Variants in ADGRG6 observed in about 807,000 individuals in gnomAD.
ADGRG6 encodes adhesion G protein-coupled receptor G6.
Under a neutral mutation model 142.4 loss-of-function variants are expected in ADGRG6, and 84 were observed. The ratio of observed to expected loss-of-function variants is 0.59; its 90% CI spans 0.49 to 0.71. The LOEUF is 0.71. ADGRG6 is among the 30% of genes least tolerant of loss of function. The pLI is 0.00. For synonymous variants in ADGRG6, 521 were observed against 520.5 expected (o/e 1.00, Z -0.01); for missense variants, 1,367 against 1,466.6 (o/e 0.93, Z 1.11).
chr6:142,315,687 C>T (rs1343513188), intron 2 of ADGRG6, among the ~76,000 whole-genome samples: 1 of 151,840 alleles, frequency 6.6e-6, no homozygotes, highest in Non-Finnish European at 1.5e-5. Flanking sequence ...AAAAATTAGC[C>T]TGGTGTGGTG....
At chr6:142,383,099 G>A (rs979061249) in intron 5 of ADGRG6, among the ~76,000 whole-genome samples, 19 of 151,868 alleles carry the variant, frequency 1.3e-4, no homozygotes, top group Non-Finnish European at 2.6e-4. Flanking sequence ...TTTAAAAAAA[G>A]TTATTTTTAT....
At chr6:142,317,782 TTA>T (rs1277588709) in intron 2 of ADGRG6, among the ~76,000 whole-genome samples, 4 of 95,654 alleles carry the variant, frequency 4.2e-5, no homozygotes, top group East Asian at 5.3e-4. Context: ...TCATATATAT[TTA>T]TATATAATAT....
chr6:142,405,606 C>A, intron 14 of ADGRG6, 82 bp from the exon 15 acceptor site: 2 of 1,140,020 alleles, frequency 1.8e-6, no homozygotes, highest in Non-Finnish European at 2.6e-6. Context: ...CAATTGTTCA[C>A]TCGCCTAACT....
intron 1 of ADGRG6, 40 bp from the exon 2 acceptor site, chr6:142,309,504 G>A (rs753337475): frequency 7.3e-7 from 1 of 1,371,920 alleles, no homozygotes. Flanking sequence ...ATGCTTTACT[G>A]AATGTTGAAT....
intron 2 of ADGRG6, among the ~76,000 whole-genome samples, chr6:142,330,863 CAGAGGA>C (rs1320202010): frequency 6.6e-6 from 1 of 152,002 alleles, no homozygotes; most frequent in African/African-American, 2.4e-5. Flanking sequence ...TATTATACAT[CAGAGGA>C]ACTATAGCCA....
intron 8 of ADGRG6, 96 bp downstream of exon 8, chr6:142,393,096 C>A (rs1774985669): frequency 1.5e-6 from 1 of 681,008 alleles, no homozygotes; most frequent in Admixed American, 2.4e-5. Flanking sequence ...CATACAAATA[C>A]ACACACATAG....
At chr6:142,315,084 G>A (rs1358976135) in intron 2 of ADGRG6, among the ~76,000 whole-genome samples, 1 of 151,618 alleles carries the variant, frequency 6.6e-6, no homozygotes, top group East Asian at 1.9e-4. Flanking sequence ...TCCAATTTTA[G>A]CGGGTACTTT....
At chr6:142,333,850 T>A (rs1779184627) in intron 2 of ADGRG6, among the ~76,000 whole-genome samples, 1 of 152,212 alleles carries the variant, frequency 6.6e-6, no homozygotes. Flanking sequence ...AGTTAATGGA[T>A]TTGTCCATCA....
intron 2 of ADGRG6, among the ~76,000 whole-genome samples, chr6:142,352,326 A>C (rs1265031187): frequency 6.6e-6 from 1 of 152,230 alleles, no homozygotes; most frequent in Non-Finnish European, 1.5e-5. Context: ...ACATGGATGT[A>C]GCTGGAGGCC....
intron 24 of ADGRG6, among the ~76,000 whole-genome samples, chr6:142,442,926 CCCTT>C (rs1339794025): frequency 6.6e-6 from 1 of 152,060 alleles, no homozygotes; most frequent in Non-Finnish European, 1.5e-5. Context: ...ACCCATTTTT[CCCTT>C]CCTATATTAT....
At position 142,396,670 on chromosome 6, in the gene ADGRG6, A is replaced by G. The variant is rs768798119; in HGVS notation, c.1425-943A>G. Among the ~76,000 whole-genome samples the G allele has an allele frequency of 3.9e-4, 60 of 152,310 alleles. 1 individual carries two copies. Among genetic ancestry groups the G allele is most frequent in the Middle Eastern group, 3.4e-3 (1 of 294 alleles). ...GGCGTGAAGACAGTAACTGATCTCA[A>G]TAATATAACGTCTTATCTTATTCAT... On this transcript the variant is annotated intron_variant, in intron 9 of 24. Transcript: ENST00000367609.
At chr6:142,307,763 AATATTTTGGATGG>A (rs1341571071) in intron 1 of ADGRG6, among the ~76,000 whole-genome samples, 1 of 151,996 alleles carries the variant, frequency 6.6e-6, no homozygotes, top group East Asian at 1.9e-4. Context: ...TTTAATCTCA[AATATTTTGGATGG>A]ATGGATTTGA....
At chr6:142,327,698 T>A (rs1562314286) in intron 2 of ADGRG6, among the ~76,000 whole-genome samples, 3 of 152,158 alleles carry the variant, frequency 2.0e-5, no homozygotes, top group Admixed American at 2.0e-4. Context: ...AAGCTCTTTA[T>A]CAGTTTTTTC....
Position 142,419,843 on chromosome 6 carries a change from A to G in ADGRG6, c.3058A>G (p.Ile1020Val). 2 of 1,609,292 alleles carry G rather than the reference A, an allele frequency of 1.2e-6. No individual in the cohort carries two copies. Among genetic ancestry groups the G allele is most frequent in the Non-Finnish European group, 1.7e-6 (2 of 1,177,474 alleles). ...AAGCTGTTGGATTCAAGATCCAGTC[A>G]TATTTTATGTGACCTGTGCTGGGTA... The part of the protein sequence containing the change: ...DEFCWIQDPV[I>V]FYVTCAGYFG... The change falls in exon 22 of 25, where the codon ATA (isoleucine) becomes GTA (valine). Residue 1020 changes from isoleucine (I) to valine (V), a missense_variant. Ile to Val is a conservative substitution (Grantham distance 29). This residue lies in a region of ADGRG6 where 344 missense variants were observed against 348.7 expected (regional missense o/e 0.99). Coordinates refer to ENST00000367609, the MANE Select transcript of ADGRG6 (RefSeq NM_198569.3).
At chr6:142,439,042 T>G (rs1198971337) in intron 24 of ADGRG6, among the ~76,000 whole-genome samples, 2 of 152,170 alleles carry the variant, frequency 1.3e-5, no homozygotes, top group African/African-American at 2.4e-5. Context: ...TCCCAGCTGC[T>G]CTGGAGGCTG....
At chr6:142,341,645 A>G (rs958011087) in intron 2 of ADGRG6, among the ~76,000 whole-genome samples, 49 of 132,122 alleles carry the variant, frequency 3.7e-4, no homozygotes, top group Non-Finnish European at 6.2e-4. Flanking sequence ...AATATATATA[A>G]TATATACTAT....
chr6:142,336,154 G>C (rs1779303044), intron 2 of ADGRG6, among the ~76,000 whole-genome samples: 1 of 152,148 alleles, frequency 6.6e-6, no homozygotes, highest in South Asian at 2.1e-4. Flanking sequence ...GCAGCAGGCA[G>C]CTCAGACTTC....
Position 142,397,734 on chromosome 6 carries a change from A to G in ADGRG6, c.1546A>G (p.Thr516Ala), listed in dbSNP as rs1187232063. 6.3e-6 allele frequency: 10 copies of G among 1,587,276 alleles called. No individual in the cohort carries two copies. In the Admixed American group the frequency reaches 1.5e-4, roughly 24 times the overall value. The change falls in exon 10 of 25, where the codon ACA becomes GCA. Residue 516 changes from threonine (T) to alanine (A), a missense_variant. Physicochemically the swap from Thr to Ala is moderately conservative, Grantham distance 58 (BLOSUM62 0). Transcript: ENST00000367609. The stretch of plus-strand genomic sequence containing the variant: ...CTTGGATGAAGGCTTGAGGCTACAT[A>G]CAGTGAATGTGAGACAACTGGGTAA... ...ESLDEGLRLH[T>A]VNVRQLGHCL...
intron 20 of ADGRG6, among the ~76,000 whole-genome samples, chr6:142,416,899 T>C (rs1776391965): frequency 6.6e-6 from 1 of 152,200 alleles, no homozygotes; most frequent in Admixed American, 6.6e-5. Context: ...TAGGCTGTAA[T>C]GACCTTGTCT....
Sources: allele counts gnomAD v4.1 joint callset (sites outside exome capture counted in the v4.1 genomes callset), GRCh38; gene constraint gnomAD v4.1.1; regional missense constraint gnomAD v4.1.1; transcripts MANE v1.5; gene names NCBI Gene and HGNC (gene_info 2026-07-23, HGNC 2026-07-21).